Variants in SUPT3H observed in about 807,000 individuals in gnomAD.
SUPT3H encodes SPT3 homolog, SAGA and STAGA complex component.
In SUPT3H, 44 loss-of-function variants were observed where a neutral mutation model predicts 44.3. The ratio of observed to expected loss-of-function variants is 0.99; its 90% CI spans 0.78 to 1.28. The LOEUF (loss-of-function observed/expected upper bound fraction) is 1.28. Ranked by LOEUF, SUPT3H falls within the 50% of genes most tolerant of loss-of-function variation. The pLI is 0.00. For synonymous variants in SUPT3H, 124 were observed against 125.6 expected, an observed-to-expected ratio of 0.99 and a Z score of 0.09; for missense variants, 380 against 387.1, an observed-to-expected ratio of 0.98 and a Z score of 0.15.
At chr6:45,333,800 A>T (rs1294413644) in intron 2 of SUPT3H, among the ~76,000 whole-genome samples, 1 of 151,294 alleles carries the variant, frequency 6.6e-6, no homozygotes, top group African/African-American at 2.4e-5. Flanking sequence ...TCTACTCTAT[A>T]TTCTTGTTAA....
chr6:44,912,186 T>C (rs553809431), intron 10 of SUPT3H, among the ~76,000 whole-genome samples: 2 of 152,318 alleles, frequency 1.3e-5, no homozygotes, highest in Non-Finnish European at 2.9e-5. Flanking sequence ...AGCATCATCA[T>C]CTACTTTTTC....
intron 10 of SUPT3H, among the ~76,000 whole-genome samples, chr6:44,854,518 A>G (rs116758242): frequency 0.018 from 2,713 of 152,186 alleles, 51 homozygotes; most frequent in South Asian, 0.092. Context: ...AGTGGCATCA[A>G]TGTTACTGAA....
At chr6:45,013,013 G>A (rs1419478926) in intron 5 of SUPT3H, among the ~76,000 whole-genome samples, 1 of 152,046 alleles carries the variant, frequency 6.6e-6, no homozygotes. Flanking sequence ...TTAAGTTTCT[G>A]GCTGTTTTGC....
chr6:45,236,158 C>A (rs561673908), intron 2 of SUPT3H, among the ~76,000 whole-genome samples: 1 of 152,162 alleles, frequency 6.6e-6, no homozygotes, highest in Non-Finnish European at 1.5e-5. Flanking sequence ...CCACTCCACA[C>A]GCTATATTTG....
chr6:45,006,197 G>A (rs150838034), intron 5 of SUPT3H, among the ~76,000 whole-genome samples: 107 of 151,836 alleles, frequency 7.0e-4, no homozygotes, highest in Non-Finnish European at 1.1e-3. Context: ...TTTGTTCATC[G>A]CATTATTTAT....
intron 5 of SUPT3H, among the ~76,000 whole-genome samples, chr6:45,010,127 T>C (rs1264862726): frequency 6.6e-6 from 1 of 152,162 alleles, no homozygotes; most frequent in Non-Finnish European, 1.5e-5. Flanking sequence ...CTTAATTTCA[T>C]TTTTGAGGTG....
At chr6:45,215,829 T>C (rs1368819374) in intron 2 of SUPT3H, among the ~76,000 whole-genome samples, 4 of 152,140 alleles carry the variant, frequency 2.6e-5, no homozygotes, top group African/African-American at 9.7e-5. Flanking sequence ...TTCATAAAGC[T>C]TAAAGGCCAA....
chr6:45,227,313 C>T (rs1170617770), intron 2 of SUPT3H, among the ~76,000 whole-genome samples: 1 of 151,710 alleles, frequency 6.6e-6, no homozygotes, highest in African/African-American at 2.4e-5. Context: ...ACATATTCTA[C>T]TTCAGACATT....
intron 9 of SUPT3H, among the ~76,000 whole-genome samples, chr6:44,935,814 A>C (rs1246430425): frequency 6.6e-6 from 1 of 152,192 alleles, no homozygotes; most frequent in Non-Finnish European, 1.5e-5. Context: ...TAAACTCTCA[A>C]CTGTGATGCA....
At chr6:45,190,075 G>C (rs549171939) in intron 2 of SUPT3H, among the ~76,000 whole-genome samples, 1 of 152,260 alleles carries the variant, frequency 6.6e-6, no homozygotes, top group South Asian at 2.1e-4. Context: ...CAGAGGAACA[G>C]ATTCCATTGT....
intron 2 of SUPT3H, among the ~76,000 whole-genome samples, chr6:45,182,312 G>C (rs1299369033): frequency 1.3e-5 from 2 of 152,212 alleles, no homozygotes; most frequent in Non-Finnish European, 2.9e-5. Flanking sequence ...CCAGGCTGGA[G>C]TGTAGTGGCG....
intron 2 of SUPT3H, among the ~76,000 whole-genome samples, chr6:45,126,496 A>T (rs1562509499): frequency 6.6e-6 from 1 of 151,704 alleles, no homozygotes; most frequent in African/African-American, 2.4e-5. Context: ...AAAACGGTCA[A>T]TTTTTTTTTA....
intron 2 of SUPT3H, among the ~76,000 whole-genome samples, chr6:45,156,124 T>C (rs575980943): frequency 4.6e-5 from 7 of 152,266 alleles, no homozygotes; most frequent in African/African-American, 1.4e-4. Context: ...GAAGATTCTA[T>C]GGCCAATAAT....
At position 45,077,649 on chromosome 6, in the gene SUPT3H, A is replaced by AAAAG. The variant is rs1248178455; in HGVS notation, c.186+28272_186+28273insCTTT. Among the ~76,000 whole-genome samples the AAAAG allele has an allele frequency of 3.7e-4, 11 of 30,056 alleles. 1 individual carries two copies. The East Asian group carries it at 0.024, about 66-fold the overall frequency. The allele number at this position is 30,056 out of a possible 152,430, so 19.7% of individuals were successfully genotyped here. A position where few individuals can be genotyped will look rare whatever the true frequency, so the allele number is the denominator to read the frequency against. ...TTCAAAAAAAAAAAAAAAAGAAAAGAAAAAAAAAAGTGTTCATGAAACAAA... is the reference window on the plus strand; with the variant it reads ...TTCAAAAAAAAAAAAAAAAGAAAAGAAAAGAAAAAAAAAGTGTTCATGAAACAAA... On this transcript the variant is annotated intron_variant, in intron 3 of 10. Coordinates refer to ENST00000371459, the MANE Select transcript of SUPT3H (RefSeq NM_003599.4).
intron 3 of SUPT3H, among the ~76,000 whole-genome samples, chr6:45,052,635 C>T (rs117504089): frequency 2.6e-5 from 4 of 152,176 alleles, no homozygotes; most frequent in South Asian, 2.1e-4. Flanking sequence ...TACATAAATA[C>T]GGTTCTTAGA....
At chr6:44,920,986 T>C (rs898119518) in intron 10 of SUPT3H, among the ~76,000 whole-genome samples, 4 of 152,246 alleles carry the variant, frequency 2.6e-5, no homozygotes, top group Non-Finnish European at 4.4e-5. Flanking sequence ...CTCAGGCAGA[T>C]TGTGCCATCC....
intron 3 of SUPT3H, among the ~76,000 whole-genome samples, chr6:45,049,677 C>A (rs917741892): frequency 7.9e-5 from 12 of 152,118 alleles, no homozygotes; most frequent in Admixed American, 5.9e-4. Context: ...CAAGTAGCTT[C>A]ATTGTTTATA....
chr6:45,176,432 G>A (rs1445340570), intron 2 of SUPT3H, among the ~76,000 whole-genome samples: 4 of 151,746 alleles, frequency 2.6e-5, no homozygotes, highest in Admixed American at 1.3e-4. Context: ...CTACGCCCAC[G>A]GAGTCTCCCT....
chr6:45,329,444 G>A (rs898698283), intron 2 of SUPT3H, among the ~76,000 whole-genome samples: 1 of 151,804 alleles, frequency 6.6e-6, no homozygotes, highest in Non-Finnish European at 1.5e-5. Context: ...TAGTTGCCCA[G>A]GATATTAAAA....
Sources: allele counts gnomAD v4.1 joint callset (sites outside exome capture counted in the v4.1 genomes callset), GRCh38; gene constraint gnomAD v4.1.1; transcripts MANE v1.5; gene names NCBI Gene and HGNC (gene_info 2026-07-23, HGNC 2026-07-21).